Variants in GALNTL6 observed in about 807,000 individuals in gnomAD.
GALNTL6 encodes polypeptide N-acetylgalactosaminyltransferase like 6, also known as polypeptide N-acetylgalactosaminyltransferase-like 6.
GALNTL6 carries 46 observed loss-of-function variants against 73.7 expected under a neutral mutation model. That is an observed-to-expected ratio of 0.62 (90% CI 0.49 to 0.80). The LOEUF (loss-of-function observed/expected upper bound fraction) is 0.80. GALNTL6 is among the 30% of genes least tolerant of loss of function. The probability of loss-of-function intolerance (pLI) is 0.00; values close to 1 mark genes in which losing one functional copy is unlikely to be tolerated. For missense variants in GALNTL6, 604 were observed against 755.0 expected, an observed-to-expected ratio of 0.80 and a Z score of 2.34; for synonymous variants, 259 against 263.7, an observed-to-expected ratio of 0.98 and a Z score of 0.17.
intron 4 of GALNTL6, among the ~76,000 whole-genome samples, chr4:172,334,983 CTTT>C (rs34428087): frequency 7.1e-6 from 1 of 141,644 alleles, no homozygotes. Flanking sequence ...AATCATATGA[CTTT>C]TTTTTTTTTT....
intron 3 of GALNTL6, among the ~76,000 whole-genome samples, chr4:172,287,071 C>T (rs533035336): frequency 6.6e-6 from 1 of 152,298 alleles, no homozygotes; most frequent in African/African-American, 2.4e-5. Context: ...ATCAAAAAGG[C>T]AAAGCCTTGC....
chr4:171,973,940 A>C (rs78785238), intron 2 of GALNTL6, among the ~76,000 whole-genome samples: 4 of 152,088 alleles, frequency 2.6e-5, no homozygotes, highest in African/African-American at 7.2e-5. Flanking sequence ...TCTGTTTTAG[A>C]CTATAAAAGG....
At chr4:172,173,925 A>T (rs1403988076) in intron 2 of GALNTL6, among the ~76,000 whole-genome samples, 1 of 152,078 alleles carries the variant, frequency 6.6e-6, no homozygotes, top group African/African-American at 2.4e-5. Context: ...ACTGTGGTGG[A>T]GAAGAGGGGT....
intron 5 of GALNTL6, among the ~76,000 whole-genome samples, chr4:172,394,400 T>C (rs913892120): frequency 1.3e-5 from 2 of 151,498 alleles, no homozygotes; most frequent in Non-Finnish European, 2.9e-5. Context: ...AAATTAGCAG[T>C]AGTCTTGCAA....
At chr4:172,468,389 A>G (rs2111457977) in intron 5 of GALNTL6, among the ~76,000 whole-genome samples, 1 of 152,332 alleles carries the variant, frequency 6.6e-6, no homozygotes, top group South Asian at 2.1e-4. Context: ...ACTATTAGAA[A>G]TATATGGTTT....
At chr4:171,833,378 T>C (rs1321599528) in intron 2 of GALNTL6, among the ~76,000 whole-genome samples, 1 of 151,738 alleles carries the variant, frequency 6.6e-6, no homozygotes, top group Non-Finnish European at 1.5e-5. Flanking sequence ...ACACTTTATG[T>C]TTAGCCAGAA....
In GALNTL6 at chr4:172,443,121, CATATATATATATATATATAT is replaced by C. The variant is rs4048464; in HGVS notation, c.553+94455_553+94474del. ...GAAATCACCAGTAATGATCCATATA[CATATATATATATATATATAT>C]ATATATATATATATATATATATTTC... On this transcript the variant is annotated intron_variant, in intron 5 of 12. Coordinates refer to ENST00000506823, the MANE Select transcript of GALNTL6 (RefSeq NM_001034845.3). Among the ~76,000 whole-genome samples, 253 of 52,022 alleles carry C rather than the reference CATATATATATATATATATAT, an allele frequency of 4.9e-3. 4 individuals are homozygous for C. Among genetic ancestry groups the C allele is most frequent in the Middle Eastern group, 0.036 (1 of 28 alleles). 34.1% of individuals were successfully genotyped at this position (52,022 alleles called of 152,430 possible). A position where few individuals can be genotyped will look rare whatever the true frequency, so the allele number is the denominator to read the frequency against.
chr4:172,439,587 ATGGCTTGAAATACCATG>A (rs1462650716), intron 5 of GALNTL6, among the ~76,000 whole-genome samples: 5 of 151,586 alleles, frequency 3.3e-5, no homozygotes, highest in African/African-American at 9.7e-5. Flanking sequence ...TATCTAGTTG[ATGGCTTGAAATACCATG>A]TAAACTCAAT....
At chr4:171,842,719 G>A (rs1463728044) in intron 2 of GALNTL6, among the ~76,000 whole-genome samples, 2 of 152,038 alleles carry the variant, frequency 1.3e-5, no homozygotes, top group African/African-American at 2.4e-5. Flanking sequence ...TTAGCACCAA[G>A]GGAATGGTAC....
At chr4:172,111,932 A>G (rs889565036) in intron 2 of GALNTL6, among the ~76,000 whole-genome samples, 2 of 152,010 alleles carry the variant, frequency 1.3e-5, no homozygotes, top group Non-Finnish European at 2.9e-5. Flanking sequence ...CATTATGATC[A>G]ATCAAAGTCC....
At chr4:172,801,288 T>G (rs561787872) in intron 5 of GALNTL6, among the ~76,000 whole-genome samples, 2 of 152,332 alleles carry the variant, frequency 1.3e-5, no homozygotes, top group Middle Eastern at 3.4e-3. Flanking sequence ...GCCAAAATAT[T>G]TTGTGTAAAA....
At chr4:172,830,007 T>G (rs1308335779) in intron 7 of GALNTL6, among the ~76,000 whole-genome samples, 2 of 152,192 alleles carry the variant, frequency 1.3e-5, no homozygotes, top group South Asian at 2.1e-4. Context: ...AGAATGTGTA[T>G]TCAAATAAAT....
At chr4:172,898,291 TAC>T (rs5741949) in intron 8 of GALNTL6, among the ~76,000 whole-genome samples, 21,704 of 147,190 alleles carry the variant, frequency 0.15, 1,848 homozygotes, top group Admixed American at 0.26. Flanking sequence ...TATACTTTAT[TAC>T]ACACACACAC....
At chr4:172,253,698 C>T (rs1242862883) in intron 3 of GALNTL6, among the ~76,000 whole-genome samples, 2 of 151,892 alleles carry the variant, frequency 1.3e-5, no homozygotes, top group African/African-American at 2.4e-5. Context: ...CACATCAGTT[C>T]CTTTTCTCTG....
intron 5 of GALNTL6, among the ~76,000 whole-genome samples, chr4:172,630,774 A>G (rs985078193): frequency 6.6e-6 from 1 of 150,424 alleles, no homozygotes; most frequent in Non-Finnish European, 1.5e-5. Flanking sequence ...TTGTTTTTAT[A>G]TAATTAGAGG....
At chr4:172,778,868 C>T (rs1739219216) in intron 5 of GALNTL6, among the ~76,000 whole-genome samples, 1 of 152,152 alleles carries the variant, frequency 6.6e-6, no homozygotes, top group Non-Finnish European at 1.5e-5. Flanking sequence ...ATAAGCCTTA[C>T]CCACGATCTG....
Position 172,712,757 on chromosome 4 carries a change from C to T in GALNTL6, c.554-96604C>T, listed in dbSNP as rs147150148. ...TATGCTTGTACAACAAGGCCTGGAA[C>T]ACTGTATGCCTTGCATAACTATCAC... is the stretch of plus-strand genomic sequence containing the variant. On this transcript the variant is annotated intron_variant, in intron 5 of 12. Transcript: ENST00000506823. Among the ~76,000 whole-genome samples, 38 of 152,274 alleles carry T rather than the reference C, an allele frequency of 2.5e-4. No homozygotes were observed. In the East Asian group the frequency reaches 6.0e-3, roughly 24 times the overall value.
chr4:172,010,146 G>A (rs1740960839), intron 2 of GALNTL6, among the ~76,000 whole-genome samples: 2 of 152,066 alleles, frequency 1.3e-5, no homozygotes, highest in South Asian at 2.1e-4. Flanking sequence ...CTTTGCCTAG[G>A]AAGAGAGCAG....
chr4:172,467,846 C>CT (rs1554027349), intron 5 of GALNTL6, among the ~76,000 whole-genome samples: 1 of 145,082 alleles, frequency 6.9e-6, no homozygotes, highest in South Asian at 2.2e-4. Flanking sequence ...TTCTTTCTTT[C>CT]TTTCTTTCTT....
Sources: gnomAD v4.1 joint callset for allele counts (sites outside exome capture counted in the v4.1 genomes callset) on GRCh38, gnomAD v4.1.1 for gene constraint, MANE v1.5 for transcripts, NCBI Gene and HGNC (gene_info 2026-07-23, HGNC 2026-07-21) for gene names.